The following SOX6 variants were observed in gnomAD, a reference collection of about 807,000 sequenced individuals.
SOX6 encodes the protein SRY-box transcription factor 6.
SOX6 carries 11 observed loss-of-function variants against 97.8 expected under a neutral mutation model. The observed-to-expected ratio is 0.11, with a 90% confidence interval of 0.07 to 0.19. The LOEUF (loss-of-function observed/expected upper bound fraction) is 0.19. Ranked by LOEUF, SOX6 falls within the 10% of genes least tolerant of loss-of-function variation. SOX6 has a pLI of 1.00. For synonymous variants in SOX6, 360 were observed against 371.4 expected (o/e 0.97, Z 0.35); for missense variants, 810 against 1,039.5 (o/e 0.78, Z 3.04).
rs142897878 is a variant in SOX6, at chr11:16,531,012, CTA to C, written n.610-54626_610-54625del. 8.5e-3 allele frequency among the ~76,000 whole-genome samples: 1,229 copies of C among 144,576 alleles called. 14 individuals carry two copies. Among genetic ancestry groups the C allele is most frequent in the African/African-American group, 0.029 (1,153 of 39,932 alleles). The allele number at this position is 144,576 out of a possible 152,430, so 94.8% of individuals were successfully genotyped here. On this transcript the variant is annotated intron_variant and non_coding_transcript_variant, in intron 4 of 5. Coordinates refer to the SOX6 transcript ENST00000524520. ...ATAATGTTAAAATATATATATTCCT[CTA>C]TATATATATATATGTTCCTCTACAG...
At chr11:16,120,561 C>CATATATATATATATAT (rs71455877) in intron 6 of SOX6, among the ~76,000 whole-genome samples, 7 of 145,046 alleles carry the variant, frequency 4.8e-5, no homozygotes, top group African/African-American at 1.8e-4. Flanking sequence ...GCTAACTTCA[C>CATATATATATATATAT]ATATATATAT....
intron 1 of SOX6, among the ~76,000 whole-genome samples, chr11:16,412,946 T>C (rs1858851702): frequency 6.6e-6 from 1 of 152,110 alleles, no homozygotes; most frequent in Non-Finnish European, 1.5e-5. Flanking sequence ...CCACTCCCTA[T>C]GACGTGGGAG....
intron 1 of SOX6, among the ~76,000 whole-genome samples, chr11:16,368,030 T>C (rs1857401486): frequency 6.6e-6 from 1 of 152,174 alleles, no homozygotes; most frequent in Non-Finnish European, 1.5e-5. Context: ...GTCTTTTCAC[T>C]TAAAGTCGCG....
intron 3 of SOX6, among the ~76,000 whole-genome samples, chr11:16,268,840 T>C (rs1025391144): frequency 6.6e-6 from 1 of 151,084 alleles, no homozygotes; most frequent in Non-Finnish European, 1.5e-5. Flanking sequence ...TAGTCCTTTA[T>C]TTTTTATATA....
At chr11:16,244,152 T>A (rs1335859869) in intron 3 of SOX6, among the ~76,000 whole-genome samples, 2 of 151,910 alleles carry the variant, frequency 1.3e-5, no homozygotes, top group South Asian at 4.1e-4. Flanking sequence ...ATGAGTGTTC[T>A]AGTTGTTTCA....
chr11:16,004,052 A>T (rs556592492), intron 13 of SOX6, among the ~76,000 whole-genome samples: 1 of 151,716 alleles, frequency 6.6e-6, no homozygotes, highest in African/African-American at 2.4e-5. Context: ...ATATGTGTGT[A>T]TATATATACA....
At chr11:16,479,486 C>T (rs1170314994), upstream of SOX6, among the ~76,000 whole-genome samples, 5 of 149,500 alleles carry the variant, frequency 3.3e-5, no homozygotes, top group Non-Finnish European at 7.4e-5. Flanking sequence ...GCCAAGATTG[C>T]GTTACTGCAC....
rs1855110103 is a variant in SOX6 at position 16,022,923 on chromosome 11, C to A, written c.1624-7873G>T. Among the ~76,000 whole-genome samples the A allele has an allele frequency of 2.0e-5, 3 of 152,108 alleles. No homozygotes were observed. The South Asian group carries it at 6.2e-4, about 32-fold the overall frequency. On this transcript the variant is annotated intron_variant, in intron 12 of 15. Coordinates refer to ENST00000683767, the MANE Select transcript of SOX6 (RefSeq NM_001367873.1). ...TCCCTCATCAGCTTCATATCCTATT[C>A]ACTCTAGTTTATACTCCCTGTTACA...
intron 3 of SOX6, among the ~76,000 whole-genome samples, chr11:16,251,185 G>C (rs558748882): frequency 2.6e-5 from 4 of 152,060 alleles, no homozygotes; most frequent in African/African-American, 7.2e-5. Context: ...AAAGCAGAAA[G>C]GTTAAAAATT....
intron 3 of SOX6, among the ~76,000 whole-genome samples, chr11:16,288,825 A>G (rs1454464807): frequency 1.3e-5 from 2 of 151,978 alleles, no homozygotes; most frequent in Admixed American, 6.6e-5. Flanking sequence ...ACACATTCAG[A>G]GATCTACAAT....
At chr11:16,158,930 T>C (rs1850671926) in intron 6 of SOX6, among the ~76,000 whole-genome samples, 1 of 151,580 alleles carries the variant, frequency 6.6e-6, no homozygotes, top group Non-Finnish European at 1.5e-5. Context: ...TACAGAAAAG[T>C]CTCACAAAGG....
chr11:16,385,008 C>G (rs1857937190), intron 1 of SOX6, among the ~76,000 whole-genome samples: 1 of 151,918 alleles, frequency 6.6e-6, no homozygotes, highest in East Asian at 1.9e-4. Context: ...AATCAGAGCT[C>G]CAATTTTAAA....
At chr11:16,508,115 C>A (rs1477261073) in intron 4 of SOX6, among the ~76,000 whole-genome samples, 1 of 151,848 alleles carries the variant, frequency 6.6e-6, no homozygotes, top group East Asian at 1.9e-4. Flanking sequence ...CAAAAGAAAA[C>A]ATAAAATCAG....
chr11:16,297,228 TAC>T (rs2134267787), intron 3 of SOX6, among the ~76,000 whole-genome samples: 1 of 152,314 alleles, frequency 6.6e-6, no homozygotes, highest in African/African-American at 2.4e-5. Flanking sequence ...TGGACTGATT[TAC>T]AGTTTTGTCT....
chr11:16,523,192 C>T (rs1449568141), intron 4 of SOX6, among the ~76,000 whole-genome samples: 1 of 151,958 alleles, frequency 6.6e-6, no homozygotes, highest in Non-Finnish European at 1.5e-5. Flanking sequence ...TTTTTCAGCA[C>T]CACACCACAC....
At chr11:16,443,711 A>G (rs1445079455) in intron 1 of SOX6, among the ~76,000 whole-genome samples, 1 of 152,038 alleles carries the variant, frequency 6.6e-6, no homozygotes, top group Non-Finnish European at 1.5e-5. Context: ...TAGTGTCTAT[A>G]TTTTTAAAAA....
At chr11:16,549,215 G>C (rs1273127312) in intron 4 of SOX6, among the ~76,000 whole-genome samples, 1 of 152,164 alleles carries the variant, frequency 6.6e-6, no homozygotes, top group African/African-American at 2.4e-5. Context: ...TGTTGACCAA[G>C]CTGGAGTGCA....
rs562837536 is a variant in SOX6 at position 16,475,770 on chromosome 11, G to C, written c.-5+545C>G. On this transcript the variant is annotated intron_variant, in intron 1 of 15. Coordinates refer to the SOX6 transcript ENST00000396356. ...GGTGCCGATAGACTTGCCCAATGCA[G>C]GGTTGCCATAAACCTCTAATTTGCT... Among the ~76,000 whole-genome samples, 4 of 152,236 alleles carry C rather than the reference G, an allele frequency of 2.6e-5. No homozygotes were observed. In the East Asian group the frequency reaches 7.7e-4, roughly 29 times the overall value.
rs568771244 is a variant in SOX6 at position 16,403,252 on chromosome 11, G to C, written c.-4-62000C>G. ...TAACAATAATGAGACCATTATTAGA[G>C]AAGGGCATTAAAATGCTGCACTGCT... On this transcript the variant is annotated intron_variant, in intron 1 of 15. Coordinates refer to the SOX6 transcript ENST00000396356. Among the ~76,000 whole-genome samples the C allele has an allele frequency of 5.9e-5, 9 of 151,748 alleles. No homozygotes were observed. The East Asian group carries it at 1.7e-3, about 29-fold the overall frequency.
Sources: gnomAD v4.1 joint callset for allele counts (sites outside exome capture counted in the v4.1 genomes callset) on GRCh38, gnomAD v4.1.1 for gene constraint, MANE v1.5 for transcripts, NCBI Gene and HGNC (gene_info 2026-07-23, HGNC 2026-07-21) for gene names.